DYSF: variants seen among roughly 807,000 people sequenced by gnomAD.
DYSF encodes dysferlin, also known as dystrophy-associated fer-1-like 1.
A neutral mutation model predicts 274.9 loss-of-function variants in DYSF; 212 were observed. The ratio of observed to expected loss-of-function variants is 0.77; its 90% CI spans 0.69 to 0.86. DYSF has a LOEUF of 0.86. Ranked by LOEUF, DYSF falls within the 40% of genes least tolerant of loss-of-function variation. The probability of loss-of-function intolerance (pLI) is 0.00; values close to 1 mark genes in which losing one functional copy is unlikely to be tolerated. For missense variants in DYSF, 2,666 were observed against 2,783.2 expected (o/e 0.96, Z 0.95); for synonymous variants, 1,091 against 1,078.7 (o/e 1.01, Z -0.22).
At chr2:71,600,409 G>A (rs762528351) in intron 33 of DYSF, among the ~76,000 whole-genome samples, 4 of 152,192 alleles carry the variant, frequency 2.6e-5, no homozygotes, top group Non-Finnish European at 4.4e-5. Flanking sequence ...TAGTCTTAGC[G>A]CTGATTAAAT....
Position 71,686,733 on chromosome 2 carries a change from C to T in DYSF, c.*241C>T. 1.9e-6 allele frequency: 1 copy of T among 518,456 alleles called. No homozygotes were observed. Among genetic ancestry groups the T allele is most frequent in the Non-Finnish European group, 3.6e-6 (1 of 280,730 alleles). 32.1% of individuals were successfully genotyped at this position (518,456 alleles called of 1,614,324 possible). A position where few individuals can be genotyped will look rare whatever the true frequency, so the allele number is the denominator to read the frequency against. On this transcript the variant is annotated 3_prime_UTR_variant, in exon 56 of 56. Transcript: ENST00000410020. ...CAACGCTTTTTTGGATCAGCTCAGA[C>T]ATATTTCAGTATAAAACAGTTGGAA...
rs750999022 is a variant in DYSF at position 71,568,082 on chromosome 2, C to T, written c.2697C>T (p.Thr899=). Residue 899 remains threonine (T), a splice_region_variant and synonymous_variant, in exon 25 of 56, where the codon ACC becomes ACT. Transcript: ENST00000410020. The part of the protein sequence containing the change: ...AEGKLSVFAE[T]YENETKLALV... ...GGAAGCTGTCTGTCTTTGCTGAAACCGTGAGTACCTGCCAGCCCCCACCTC... is the reference window on the plus strand; with the variant it reads ...GGAAGCTGTCTGTCTTTGCTGAAACTGTGAGTACCTGCCAGCCCCCACCTC... The T allele has an allele frequency of 1.1e-5, 17 of 1,614,056 alleles. No individual in the cohort carries two copies. The highest frequency in any genetic ancestry group is 3.3e-5 in the South Asian group (3 of 91,080).
intron 1 of DYSF, among the ~76,000 whole-genome samples, chr2:71,458,738 A>C (rs1459335135): frequency 1.3e-5 from 2 of 152,056 alleles, no homozygotes; most frequent in Non-Finnish European, 2.9e-5. Flanking sequence ...GTTCACATCT[A>C]CTGTGGATGT....
At position 71,658,888 on chromosome 2, in the gene DYSF, A is replaced by G; in HGVS notation, c.4766A>G (p.Lys1589Arg). The G allele has an allele frequency of 6.2e-7, 1 of 1,614,188 alleles. No individual in the cohort carries two copies. Among genetic ancestry groups the G allele is most frequent in the Non-Finnish European group, 8.5e-7 (1 of 1,180,038 alleles). The change falls in exon 44 of 56, where the codon AAA (lysine) becomes AGA (arginine). Residue 1589 changes from lysine (K) to arginine (R), a missense_variant. Lys to Arg is a conservative substitution (Grantham distance 26). Transcript: ENST00000410020. ...SVIGEFKGLF[K>R]IYPLPEDPAI... is the part of the protein sequence containing the mutation. ...CTTCCTTCTTTTCAGGGCCTCTTCA[A>G]AATTTATCCCCTCCCAGAAGACCCA...
At chr2:71,500,912 A>C (rs1244508928) in intron 3 of DYSF, among the ~76,000 whole-genome samples, 1 of 151,916 alleles carries the variant, frequency 6.6e-6, no homozygotes, top group Non-Finnish European at 1.5e-5. Flanking sequence ...CTGCCACCCC[A>C]GTTTTCTCGT....
chr2:71,472,498 C>T (rs1050035200), intron 1 of DYSF, among the ~76,000 whole-genome samples: 4 of 152,204 alleles, frequency 2.6e-5, no homozygotes, highest in African/African-American at 9.6e-5. Context: ...GCTCTGCCTC[C>T]CGGGTTCACG....
In DYSF at chr2:71,516,975, A is replaced by T. The variant is rs747688530; in HGVS notation, c.952-14A>T. The T allele has an allele frequency of 3.1e-6, 5 of 1,613,936 alleles. No individual in the cohort carries two copies. Among genetic ancestry groups the T allele is most frequent in the Non-Finnish European group, 4.2e-6 (5 of 1,179,958 alleles). ...TTCCCTGTGAATGTGAGTTTCCATGATCTTTCTCTGCAGGTGGTAGACTCT... is the reference window on the plus strand; with the variant it reads ...TTCCCTGTGAATGTGAGTTTCCATGTTCTTTCTCTGCAGGTGGTAGACTCT... On this transcript the variant is annotated splice_polypyrimidine_tract_variant and intron_variant, in intron 9 of 55. Coordinates refer to ENST00000410020, the MANE Select transcript of DYSF (RefSeq NM_001130987.2).
At chr2:71,633,040 A>G (rs1164940234) in intron 41 of DYSF, among the ~76,000 whole-genome samples, 1 of 152,244 alleles carries the variant, frequency 6.6e-6, no homozygotes, top group African/African-American at 2.4e-5. Flanking sequence ...AGGTGGAGTA[A>G]TGATCCCCTC....
chr2:71,569,866 G>T lies in DYSF; in HGVS notation c.2911G>T (p.Val971Leu), dbSNP rs1362166458. 1 of 1,614,192 alleles carries T rather than the reference G, an allele frequency of 6.2e-7. No homozygotes were observed. Among genetic ancestry groups the T allele is most frequent in the Non-Finnish European group, 8.5e-7 (1 of 1,180,042 alleles). ...CGGTCACCTGAGCTTCGTGGAAGAG[G>T]TGTTTGAGAACCAGACCCGGCTTCC... ...DAGHLSFVEE[V>L]FENQTRLPGG... The change falls in exon 27 of 56, where the codon GTG becomes TTG. Residue 971 changes from valine to leucine, a missense_variant. Val to Leu is a conservative substitution (Grantham distance 32). Around this residue, in one of 3 missense-constraint regions of DYSF, gnomAD observed 412 missense variants for 504.0 expected, o/e 0.82. Transcript: ENST00000410020.
chr2:71,669,454 G>C, intron 50 of DYSF, 151 bp from the exon 51 acceptor site: 1 of 1,035,080 alleles, frequency 9.7e-7, no homozygotes, highest in East Asian at 2.6e-5. Flanking sequence ...TCAAATTTAT[G>C]GCACATTTTG....
At chr2:71,535,138 G>T (rs2089183121) in intron 15 of DYSF, 49 bp downstream of exon 15, 4 of 1,610,746 alleles carry the variant, frequency 2.5e-6, no homozygotes, top group Non-Finnish European at 3.4e-6. Flanking sequence ...GGGGCTCTGG[G>T]CTTCGGGAGG....
chr2:71,610,910 T>C, intron 36 of DYSF: 1 of 391,540 alleles, frequency 2.6e-6, no homozygotes, highest in South Asian at 2.1e-5. Flanking sequence ...TGTGCACGCA[T>C]ATGCTGTGTG....
chr2:71,578,995 G>GAC (rs1182252994), intron 30 of DYSF, among the ~76,000 whole-genome samples: 1 of 152,200 alleles, frequency 6.6e-6, no homozygotes, highest in East Asian at 1.9e-4. Flanking sequence ...CATTTCCAAA[G>GAC]ACACCGGGTT....
At chr2:71,571,881 A>ACC (rs2092493023) in intron 29 of DYSF, among the ~76,000 whole-genome samples, 2 of 141,320 alleles carry the variant, frequency 1.4e-5, no homozygotes, top group African/African-American at 2.7e-5. Flanking sequence ...CACCCAGCAC[A>ACC]CACAGCTCAC....
chr2:71,647,758 G>A (rs1486333214), intron 42 of DYSF, among the ~76,000 whole-genome samples: 2 of 152,226 alleles, frequency 1.3e-5, no homozygotes, highest in African/African-American at 4.8e-5. Flanking sequence ...ATTTAGGACA[G>A]ATAATGGTTA....
intron 38 of DYSF, among the ~76,000 whole-genome samples, chr2:71,612,032 C>G (rs2093774764): frequency 6.6e-6 from 1 of 152,176 alleles, no homozygotes; most frequent in Non-Finnish European, 1.5e-5. Context: ...CCCCACAGCC[C>G]TCAGGCCCTC....
intron 17 of DYSF, chr2:71,549,323 C>T (rs554624799): frequency 1.2e-6 from 2 of 1,610,612 alleles, no homozygotes; most frequent in Non-Finnish European, 1.7e-6. Flanking sequence ...CCCACCCTAA[C>T]CCCTTTTCCA....
At chr2:71,642,501 C>T (rs1558703828) in intron 41 of DYSF, among the ~76,000 whole-genome samples, 1 of 152,198 alleles carries the variant, frequency 6.6e-6, no homozygotes, top group Non-Finnish European at 1.5e-5. Flanking sequence ...TTGCTCTAAG[C>T]TGGCTTTTTC....
At chr2:71,637,807 A>G (rs2152918691) in intron 41 of DYSF, among the ~76,000 whole-genome samples, 1 of 152,342 alleles carries the variant, frequency 6.6e-6, no homozygotes, top group Admixed American at 6.5e-5. Flanking sequence ...ATATTAGTTA[A>G]TATGTAAATC....
Sources: gnomAD v4.1 joint callset for allele counts (sites outside exome capture counted in the v4.1 genomes callset) on GRCh38, gnomAD v4.1.1 for gene constraint, gnomAD v4.1.1 regional missense constraint, MANE v1.5 for transcripts, NCBI Gene and HGNC (gene_info 2026-07-23, HGNC 2026-07-21) for gene names.